The following ZNF740 variants were observed in gnomAD, a reference collection of about 807,000 sequenced individuals.
ZNF740 encodes the protein oriLyt TD-element-binding protein 7.
In ZNF740, 14 loss-of-function variants were observed where a neutral mutation model predicts 24.8. That is an observed-to-expected ratio of 0.56 (90% CI 0.37 to 0.88). The LOEUF (loss-of-function observed/expected upper bound fraction) is 0.88, where lower values mean the gene tolerates loss of function less well. ZNF740 is among the 40% of genes least tolerant of loss of function. The pLI is 0.00. For synonymous variants in ZNF740, 69 were observed against 84.0 expected (o/e 0.82, Z 0.98); for missense variants, 201 against 247.9 (o/e 0.81, Z 1.27).
At position 53,185,348 on chromosome 12, in the gene ZNF740, G is replaced by A. The variant is rs760340536; in HGVS notation, c.160-39G>A. The A allele has an allele frequency of 1.6e-5, 26 of 1,602,334 alleles. No individual in the cohort carries two copies. The East Asian group carries it at 2.7e-4, about 17-fold the overall frequency. ...TGCATTGGGTCTCATCTCATGTTCC[G>A]AGATGGGCTATGAGTTTAGATTTGA... is the stretch of plus-strand genomic sequence containing the variant. On this transcript the variant is annotated intron_variant, in intron 3 of 6. Transcript: ENST00000416904.
At position 53,194,072 on chromosome 12, in the gene ZNF740, T is replaced by A. The variant is rs1942069489; in HGVS notation, c.*6482T>A. On this transcript the variant is annotated 3_prime_UTR_variant, in exon 7 of 7. Transcript: ENST00000416904. ...GCCACTCAGACTGCTCCAGGAAGGA[T>A]GGATGGAGGACTACCTCAGGCTCTC... 7.0e-7 allele frequency: 1 copy of A among 1,429,180 alleles called. No individual in the cohort carries two copies. The highest frequency in any genetic ancestry group is 1.4e-5 in the African/African-American group (1 of 71,406). The allele number at this position is 1,429,180 out of a possible 1,614,324, so 88.5% of individuals were successfully genotyped here.
Position 53,192,724 on chromosome 12 carries a change from C to T in ZNF740, c.*5134C>T. 1 of 1,614,202 alleles carries T rather than the reference C, an allele frequency of 6.2e-7. No individual in the cohort carries two copies. Among genetic ancestry groups the T allele is most frequent in the Non-Finnish European group, 8.5e-7 (1 of 1,180,032 alleles). On this transcript the variant is annotated 3_prime_UTR_variant, in exon 7 of 7. Transcript: ENST00000416904. ...CTCGCATGGTGTCTTGCAGCCTGGG[C>T]ATTGGTCGCATAGAGCACCATAGTA...
rs1202491463 is a variant in ZNF740, at chr12:53,187,495, TCTC to T, written c.493-5_493-3del. ...CTCAGGCACTTAACCCTCCCTTTCT[TCTC>T]AGTGTTTTTCTCGGACAGATCGATT... On this transcript the variant is annotated splice_region_variant and splice_polypyrimidine_tract_variant and intron_variant, in intron 6 of 6. Coordinates refer to ENST00000416904, the MANE Select transcript of ZNF740 (RefSeq NM_001004304.4). 5.6e-6 allele frequency: 9 copies of T among 1,613,688 alleles called. No homozygotes were observed. The highest frequency in any genetic ancestry group is 7.6e-6 in the Non-Finnish European group (9 of 1,179,674).
At position 53,191,818 on chromosome 12, in the gene ZNF740, G is replaced by A. The variant is rs6580932; in HGVS notation, c.*4228G>A. The A allele has an allele frequency of 5.1e-3, 8,170 of 1,611,670 alleles. 351 individuals are homozygous for A. In the African/African-American group the frequency reaches 0.094, roughly 19 times the overall value. On this transcript the variant is annotated 3_prime_UTR_variant, in exon 7 of 7. Coordinates refer to ENST00000416904, the MANE Select transcript of ZNF740 (RefSeq NM_001004304.4). ...GGAATCAGGGCTGGTCTTGTGGTGG[G>A]GGAACAGCTAAAAAGGGGCCTAACC...
rs6580933 is a variant in ZNF740 at position 53,191,970 on chromosome 12, G to T, written c.*4380G>T. 1 of 1,611,824 alleles carries T rather than the reference G, an allele frequency of 6.2e-7. No homozygotes were observed. The highest frequency in any genetic ancestry group is 2.2e-5 in the East Asian group (1 of 44,834). Reference sequence around the variant, plus strand: ...GGACCAGCCCCAGCCCCACTGCCACGATGCCCCCTACGCAGCCCAGCACAA... The same window carrying T: ...GGACCAGCCCCAGCCCCACTGCCACTATGCCCCCTACGCAGCCCAGCACAA... On this transcript the variant is annotated 3_prime_UTR_variant, in exon 7 of 7. Transcript: ENST00000416904.
Position 53,193,121 on chromosome 12 carries a change from T to C in ZNF740, c.*5531T>C. On this transcript the variant is annotated 3_prime_UTR_variant, in exon 7 of 7. Transcript: ENST00000416904. The stretch of plus-strand genomic sequence containing the variant: ...GAAGGCCTCTCAGACCCCGCCCTTC[T>C]CCCCAAGGCTCCAGGTACCTCCGCA... 1 of 1,590,646 alleles carries C rather than the reference T, an allele frequency of 6.3e-7. No individual in the cohort carries two copies. The highest frequency in any genetic ancestry group is 8.6e-7 in the Non-Finnish European group (1 of 1,162,864).
intron 6 of ZNF740, 88 bp from the exon 7 acceptor site, chr12:53,187,413 T>C: frequency 2.9e-6 from 3 of 1,048,326 alleles, no homozygotes; most frequent in Non-Finnish European, 4.4e-6. Context: ...ATGGAGAATG[T>C]GGTATCTGCC....
At position 53,186,426 on chromosome 12, in the gene ZNF740, C is replaced by G. The variant is rs1941822525; in HGVS notation, c.409C>G (p.Arg137Gly). ...KPFECDICDM[R>G]FIQKYHLERH... is the part of the protein sequence containing the mutation. ...ATTTGAATGCGATATATGTGATATG[C>G]GTTTCATCCAGAAGTACCACCTGGA... is the stretch of plus-strand genomic sequence containing the variant. The change falls in exon 6 of 7, where the codon CGT becomes GGT. Residue 137 changes from arginine to glycine, a missense_variant. Arg to Gly is a moderately radical substitution (Grantham distance 125). This residue lies in a region of ZNF740 where 60 missense variants were observed against 107.8 expected (regional missense o/e 0.56). Transcript: ENST00000416904. The G allele has an allele frequency of 4.4e-6, 7 of 1,589,628 alleles. No individual in the cohort carries two copies. Among genetic ancestry groups the G allele is most frequent in the Non-Finnish European group, 6.0e-6 (7 of 1,167,350 alleles).
Position 53,193,162 on chromosome 12 carries a change from T to C in ZNF740, c.*5572T>C. 2 of 1,612,164 alleles carry C rather than the reference T, an allele frequency of 1.2e-6. No homozygotes were observed. Among genetic ancestry groups the C allele is most frequent in the Non-Finnish European group, 1.7e-6 (2 of 1,178,538 alleles). The stretch of plus-strand genomic sequence containing the variant: ...TACCTCCGCAGAGGATGCCCTCATG[T>C]CGCTCACAGCTGGCATCGTCACACT... On this transcript the variant is annotated 3_prime_UTR_variant, in exon 7 of 7. Transcript: ENST00000416904.
chr12:53,194,054 A>T lies in ZNF740; in HGVS notation c.*6464A>T. On this transcript the variant is annotated 3_prime_UTR_variant, in exon 7 of 7. Transcript: ENST00000416904. Reference sequence around the variant, plus strand: ...AGAAACATGCCTGAGGAAGCCACTCAGACTGCTCCAGGAAGGATGGATGGA... The same window carrying T: ...AGAAACATGCCTGAGGAAGCCACTCTGACTGCTCCAGGAAGGATGGATGGA... 7.3e-7 allele frequency: 1 copy of T among 1,366,114 alleles called. No homozygotes were observed. The highest frequency in any genetic ancestry group is 1.0e-6 in the Non-Finnish European group (1 of 981,898). 84.6% of individuals were successfully genotyped at this position (1,366,114 alleles called of 1,614,324 possible).
intron 1 of ZNF740, chr12:53,181,338 C>T: frequency 2.0e-6 from 2 of 985,464 alleles, no homozygotes; most frequent in Non-Finnish European, 2.4e-6. Context: ...AGTCTTGCCG[C>T]CTCTGTAAAG....
rs1565699514 is a variant in ZNF740 at position 53,193,209 on chromosome 12, G to T, written c.*5619G>T. 6.2e-7 allele frequency: 1 copy of T among 1,614,108 alleles called. No individual in the cohort carries two copies. Among genetic ancestry groups the T allele is most frequent in the Non-Finnish European group, 8.5e-7 (1 of 1,180,022 alleles). On this transcript the variant is annotated 3_prime_UTR_variant, in exon 7 of 7. Coordinates refer to ENST00000416904, the MANE Select transcript of ZNF740 (RefSeq NM_001004304.4). ...CACTCGCACAGATGCCCAGAGCTCT[G>T]TCCACTGCAGCTGCAGCGTCCACAT...
In ZNF740 at chr12:53,191,308, A is replaced by G. The variant is rs1270373536; in HGVS notation, c.*3718A>G. ...GCTTTGGCCTTGATGAGGTAAAGCA[A>G]AGTGACAGCTGTGGTCTGAGGTAAG... On this transcript the variant is annotated 3_prime_UTR_variant, in exon 7 of 7. Coordinates refer to ENST00000416904, the MANE Select transcript of ZNF740 (RefSeq NM_001004304.4). The G allele has an allele frequency of 7.7e-6, 4 of 517,336 alleles. No homozygotes were observed. Among genetic ancestry groups the G allele is most frequent in the Admixed American group, 6.4e-5 (2 of 31,258 alleles). 32.0% of individuals were successfully genotyped at this position (517,336 alleles called of 1,614,324 possible).
chr12:53,181,399 C>T, intron 1 of ZNF740: 1 of 985,440 alleles, frequency 1.0e-6, no homozygotes, highest in East Asian at 1.1e-4. Flanking sequence ...AAAGGGTCTC[C>T]GCCCCCTTCT....
chr12:53,191,677 A>G lies in ZNF740; in HGVS notation c.*4087A>G. ...GCAGATTATAAGCAAAAATCCCAGG[A>G]TTCCTCGTCCCCTTTCTAGACCTAA... is the stretch of plus-strand genomic sequence containing the variant. On this transcript the variant is annotated 3_prime_UTR_variant, in exon 7 of 7. Transcript: ENST00000416904. 1 of 1,582,970 alleles carries G rather than the reference A, an allele frequency of 6.3e-7. No individual in the cohort carries two copies. The highest frequency in any genetic ancestry group is 8.7e-7 in the Non-Finnish European group (1 of 1,151,746).
Position 53,191,768 on chromosome 12 carries a change from CA to C in ZNF740, c.*4179del. ...TAGCAGAGGGGTTGGTTACATGTGC[CA>C]GGGGCTGGGGGAACCCAGTGGGAGG... On this transcript the variant is annotated 3_prime_UTR_variant, in exon 7 of 7. Coordinates refer to ENST00000416904, the MANE Select transcript of ZNF740 (RefSeq NM_001004304.4). 1 of 1,574,964 alleles carries C rather than the reference CA, an allele frequency of 6.3e-7. No individual in the cohort carries two copies. Among genetic ancestry groups the C allele is most frequent in the Non-Finnish European group, 8.7e-7 (1 of 1,146,524 alleles).
chr12:53,180,764 G>A lies in ZNF740; in HGVS notation c.-381G>A. 1 of 1,272,256 alleles carries A rather than the reference G, an allele frequency of 7.9e-7. No homozygotes were observed. Among genetic ancestry groups the A allele is most frequent in the Non-Finnish European group, 1.0e-6 (1 of 981,510 alleles). 78.8% of individuals were successfully genotyped at this position (1,272,256 alleles called of 1,614,324 possible). On this transcript the variant is annotated 5_prime_UTR_variant, in exon 1 of 7. Transcript: ENST00000416904. ...CCGGTGGGGGCAGCCGCGGCGGTGG[G>A]GTTGGCAGGGTGTGCTGGGGCCTGG...
rs1291059294 is a variant in ZNF740, at chr12:53,193,136, G to A, written c.*5546G>A. ...CCCGCCCTTCTCCCCAAGGCTCCAG[G>A]TACCTCCGCAGAGGATGCCCTCATG... On this transcript the variant is annotated 3_prime_UTR_variant, in exon 7 of 7. Transcript: ENST00000416904. 1 of 1,601,352 alleles carries A rather than the reference G, an allele frequency of 6.2e-7. No homozygotes were observed. The highest frequency in any genetic ancestry group is 2.2e-5 in the East Asian group (1 of 44,610).
rs576160318 is a variant in ZNF740 at position 53,192,176 on chromosome 12, C to G, written c.*4586C>G. 4 of 1,196,050 alleles carry G rather than the reference C, an allele frequency of 3.3e-6. No homozygotes were observed. The highest frequency in any genetic ancestry group is 4.7e-6 in the Non-Finnish European group (4 of 850,430). 74.1% of individuals were successfully genotyped at this position (1,196,050 alleles called of 1,614,324 possible). The stretch of plus-strand genomic sequence containing the variant: ...TTATCCTCACCGCCCAGGGCCTTAG[C>G]CTCGTCCACTTGCTCAATTGCCTCT... On this transcript the variant is annotated 3_prime_UTR_variant, in exon 7 of 7. Coordinates refer to ENST00000416904, the MANE Select transcript of ZNF740 (RefSeq NM_001004304.4).
Sources: gnomAD v4.1 joint callset for allele counts on GRCh38, gnomAD v4.1.1 for gene constraint, gnomAD v4.1.1 regional missense constraint, MANE v1.5 for transcripts, NCBI Gene and HGNC (gene_info 2026-07-23, HGNC 2026-07-21) for gene names.